Variants in BCKDHB observed in about 807,000 individuals in gnomAD.
BCKDHB encodes 2-oxoisovalerate dehydrogenase subunit beta, mitochondrial.
In BCKDHB, 41 loss-of-function variants were observed where a neutral mutation model predicts 48.5. The ratio of observed to expected loss-of-function variants is 0.85; its 90% CI spans 0.66 to 1.10. The LOEUF is 1.10. Ranked by LOEUF, BCKDHB falls within the 50% of genes least tolerant of loss-of-function variation. BCKDHB has a pLI of 0.00. For synonymous variants in BCKDHB, 201 were observed against 174.8 expected (o/e 1.15, Z -1.18); for missense variants, 496 against 494.2 (o/e 1.00, Z -0.03).
chr6:80,434,161 T>C, the BCKDHB span, among the ~76,000 whole-genome samples: 1 of 152,154 alleles, frequency 6.6e-6, no homozygotes, highest in Non-Finnish European at 1.5e-5. Flanking sequence ...TGCCATTGTA[T>C]TCATACATAA....
chr6:80,418,011 T>C, the BCKDHB span, among the ~76,000 whole-genome samples: 1 of 152,186 alleles, frequency 6.6e-6, no homozygotes, highest in African/African-American at 2.4e-5. Flanking sequence ...CCCATATATC[T>C]TGGAGGTTTT....
chr6:80,300,521 T>A (rs1011316707), intron 9 of BCKDHB, among the ~76,000 whole-genome samples: 1 of 152,206 alleles, frequency 6.6e-6, no homozygotes, highest in African/African-American at 2.4e-5. Context: ...AGTTTCTTCT[T>A]GGCCTATGAA....
intron 8 of BCKDHB, among the ~76,000 whole-genome samples, chr6:80,203,841 C>T (rs1426803029): frequency 2.0e-5 from 3 of 151,944 alleles, no homozygotes; most frequent in African/African-American, 7.2e-5. Flanking sequence ...TCTCATTTAC[C>T]TCTTTATATC....
At chr6:80,456,399 GTC>G in the BCKDHB span, among the ~76,000 whole-genome samples, 1 of 152,184 alleles carries the variant, frequency 6.6e-6, no homozygotes, top group South Asian at 2.1e-4. Context: ...CTTTGGGGGT[GTC>G]TCTCACCTGC....
chr6:80,127,963 G>A (rs1770430941), intron 2 of BCKDHB, among the ~76,000 whole-genome samples: 1 of 152,014 alleles, frequency 6.6e-6, no homozygotes, highest in Admixed American at 6.6e-5. Flanking sequence ...ATAAAATGAA[G>A]ACTTGATTTT....
chr6:80,135,418 T>C (rs932399053), intron 3 of BCKDHB, among the ~76,000 whole-genome samples: 3 of 152,132 alleles, frequency 2.0e-5, no homozygotes, highest in Non-Finnish European at 4.4e-5. Flanking sequence ...ATACCAGATA[T>C]AGATTGTGAG....
chr6:80,393,936 T>G, the BCKDHB span, among the ~76,000 whole-genome samples: 1 of 152,346 alleles, frequency 6.6e-6, no homozygotes, highest in East Asian at 1.9e-4. Context: ...AAAACATATT[T>G]TTTAAAATTC....
the BCKDHB span, among the ~76,000 whole-genome samples, chr6:80,455,011 T>C: frequency 6.6e-6 from 1 of 152,194 alleles, no homozygotes; most frequent in Non-Finnish European, 1.5e-5. Flanking sequence ...TGCTGGAAAA[T>C]GTCTTGCCTC....
the BCKDHB span, among the ~76,000 whole-genome samples, chr6:80,394,098 T>C: frequency 1.3e-5 from 2 of 152,216 alleles, no homozygotes; most frequent in Non-Finnish European, 2.9e-5. Flanking sequence ...GTAAATTGAT[T>C]CTGTTCCTCC....
intron 8 of BCKDHB, 81 bp from the exon 9 acceptor site, chr6:80,273,054 T>C: frequency 9.4e-7 from 1 of 1,067,766 alleles, no homozygotes; most frequent in South Asian, 1.3e-5. Flanking sequence ...TATAATTTAC[T>C]TTTATTACTG....
chr6:80,307,492 C>A (rs1045002655), intron 9 of BCKDHB: 13 of 984,422 alleles, frequency 1.3e-5, no homozygotes, highest in Admixed American at 6.2e-5. Context: ...TCAGATATAC[C>A]CCCATGAAAG....
chr6:80,234,493 A>C (rs1194700258), intron 8 of BCKDHB, among the ~76,000 whole-genome samples: 1 of 152,184 alleles, frequency 6.6e-6, no homozygotes. Flanking sequence ...TTAAGCTTAC[A>C]TGTTTTAGTT....
intron 6 of BCKDHB, among the ~76,000 whole-genome samples, chr6:80,188,450 A>G (rs1243349552): frequency 1.3e-5 from 2 of 152,142 alleles, no homozygotes; most frequent in African/African-American, 4.8e-5. Context: ...AGCCTGGGCA[A>G]CATGGTGAGA....
chr6:80,375,986 T>G, the BCKDHB span, among the ~76,000 whole-genome samples: 1 of 152,160 alleles, frequency 6.6e-6, no homozygotes, highest in African/African-American at 2.4e-5. Context: ...GCTGTGGTAA[T>G]GTAGGGAGAA....
At chr6:80,269,035 A>G (rs897221876) in intron 8 of BCKDHB, among the ~76,000 whole-genome samples, 3 of 152,288 alleles carry the variant, frequency 2.0e-5, no homozygotes, top group Middle Eastern at 6.8e-3. Context: ...GAACATGCAT[A>G]ATAAAGTTAA....
chr6:80,262,319 C>G (rs140852581), intron 8 of BCKDHB, among the ~76,000 whole-genome samples: 121 of 152,226 alleles, frequency 7.9e-4, no homozygotes, highest in Admixed American at 2.0e-3. Context: ...GGCTCTAAAA[C>G]AGTGTTTCTT....
chr6:80,338,634 A>G (rs1250260995), intron 9 of BCKDHB, among the ~76,000 whole-genome samples: 1 of 152,106 alleles, frequency 6.6e-6, no homozygotes, highest in Non-Finnish European at 1.5e-5. Flanking sequence ...TTCAGGTTTG[A>G]CCGTTCTGTG....
chr6:80,118,913 A>AG (rs1769853258), intron 1 of BCKDHB, among the ~76,000 whole-genome samples: 1 of 152,206 alleles, frequency 6.6e-6, no homozygotes, highest in Admixed American at 6.5e-5. Context: ...ATTCAGTCAC[A>AG]TCTTCAGGCT....
intron 6 of BCKDHB, among the ~76,000 whole-genome samples, chr6:80,189,817 A>G (rs1472210224): frequency 1.3e-5 from 2 of 152,158 alleles, no homozygotes; most frequent in Admixed American, 6.5e-5. Context: ...ATTTTAGAAC[A>G]TTTATTAATT....
Sources: gnomAD v4.1 joint callset for allele counts (sites outside exome capture counted in the v4.1 genomes callset) on GRCh38, gnomAD v4.1.1 for gene constraint, MANE v1.5 for transcripts, NCBI Gene and HGNC (gene_info 2026-07-23, HGNC 2026-07-21) for gene names.